XKR5: variants seen among roughly 807,000 people sequenced by gnomAD.
The protein encoded by XKR5 is XK related 5.
XKR5 carries 46 observed loss-of-function variants against 40.8 expected under a neutral mutation model. The ratio of observed to expected loss-of-function variants is 1.13; its 90% CI spans 0.89 to 1.44. The LOEUF (loss-of-function observed/expected upper bound fraction) is 1.44, where lower values mean the gene tolerates loss of function less well. Among genes scored for constraint, XKR5 ranks in the 40% most tolerant of loss-of-function variants. XKR5 has a pLI of 0.00. For missense variants in XKR5, 1,169 were observed against 844.7 expected, an observed-to-expected ratio of 1.38 and a Z score of -4.76; for synonymous variants, 466 against 356.1, an observed-to-expected ratio of 1.31 and a Z score of -3.48.
In XKR5 at chr8:6,832,806, G is replaced by A. The variant is rs1262890528; in HGVS notation, c.153C>T (p.Ala51=). 1.9e-6 allele frequency: 3 copies of A among 1,612,926 alleles called. No homozygotes were observed. Among genetic ancestry groups the A allele is most frequent in the Admixed American group, 3.3e-5 (2 of 59,844 alleles). Residue 51 remains alanine, a synonymous_variant, in exon 2 of 7, where the codon GCC becomes GCT. Coordinates refer to ENST00000618742, the MANE Select transcript of XKR5 (RefSeq NM_207411.5). ...CTGCTCGGAACCACAGGTAGCTCAG[G>A]GCCTGGACCAAGAACCCGGGCAGGA... The part of the protein sequence containing the change: ...AVLLPGFLVQ[A]LSYLWFRADG...
intron 1 of XKR5, among the ~76,000 whole-genome samples, chr8:6,834,896 G>A (rs1804941502): frequency 6.6e-6 from 1 of 152,186 alleles, no homozygotes; most frequent in Non-Finnish European, 1.5e-5. Context: ...CCCCGAAGCG[G>A]AGTCGCCGTC....
chr8:6,812,404 C>A, intron 6 of XKR5, 65 bp from the exon 7 acceptor site: 2 of 1,450,856 alleles, frequency 1.4e-6, no homozygotes, highest in Non-Finnish European at 1.8e-6. Flanking sequence ...CTCTGGTGTG[C>A]AGTTTCAGGT....
In XKR5 at chr8:6,815,831, C is replaced by T. The variant is rs1276657021; in HGVS notation, c.895G>A (p.Gly299Arg). 22 of 1,604,556 alleles carry T rather than the reference C, an allele frequency of 1.4e-5. No individual in the cohort carries two copies. Among genetic ancestry groups the T allele is most frequent in the Non-Finnish European group, 1.9e-5 (22 of 1,175,514 alleles). Residue 299 changes from glycine to arginine, a missense_variant, in exon 6 of 7, where the codon GGG becomes AGG. Gly to Arg is a moderately radical substitution (Grantham distance 125, BLOSUM62 -2). Coordinates refer to ENST00000618742, the MANE Select transcript of XKR5 (RefSeq NM_207411.5). ...CCAATCAGAAATCCAGACAGGACCCCAGCTATGGTCTGCAGGCTGGTCCAC... is the reference window on the plus strand; with the variant it reads ...CCAATCAGAAATCCAGACAGGACCCTAGCTATGGTCTGCAGGCTGGTCCAC... Reference protein sequence around the residue: ...ASWTSLQTIAGVLSGFLIGSV... With the variant: ...ASWTSLQTIARVLSGFLIGSV...
intron 2 of XKR5, among the ~76,000 whole-genome samples, chr8:6,829,945 C>G (rs1587199684): frequency 6.8e-6 from 1 of 147,964 alleles, no homozygotes; most frequent in African/African-American, 2.5e-5. Context: ...TCATGCCATT[C>G]TCCTGCCTCA....
chr8:6,820,298 G>T (rs2117094316), intron 5 of XKR5, among the ~76,000 whole-genome samples: 1 of 152,090 alleles, frequency 6.6e-6, no homozygotes, highest in East Asian at 1.9e-4. Context: ...CAAATGTAAT[G>T]GTGTCTGATT....
chr8:6,832,294 A>G (rs1804805175), intron 2 of XKR5, among the ~76,000 whole-genome samples: 1 of 152,186 alleles, frequency 6.6e-6, no homozygotes, highest in African/African-American at 2.4e-5. Context: ...CGAAGTCTTG[A>G]AGCAAATGTC....
At chr8:6,822,546 C>G (rs1370779934) in intron 4 of XKR5, among the ~76,000 whole-genome samples, 1 of 152,150 alleles carries the variant, frequency 6.6e-6, no homozygotes, top group Non-Finnish European at 1.5e-5. Context: ...TCTTTAGAAG[C>G]ACAGTTCTTT....
chr8:6,815,948 C>G (rs199972135), intron 5 of XKR5, 30 bp from the exon 6 acceptor site: 32 of 1,524,148 alleles, frequency 2.1e-5, no homozygotes, highest in African/African-American at 2.7e-5. Context: ...GGCACCACAC[C>G]TCGTCAGGTG....
At chr8:6,828,858 A>G (rs1804634711) in intron 2 of XKR5, among the ~76,000 whole-genome samples, 1 of 152,190 alleles carries the variant, frequency 6.6e-6, no homozygotes, top group South Asian at 2.1e-4. Flanking sequence ...AAGTTTCTTC[A>G]TGGTCCAGCC....
chr8:6,825,508 A>G (rs1051049646), intron 2 of XKR5, among the ~76,000 whole-genome samples, 159 bp from the exon 3 acceptor site: 1 of 151,366 alleles, frequency 6.6e-6, no homozygotes, highest in African/African-American at 2.4e-5. Flanking sequence ...TCTGACTGCA[A>G]GCAGAAGACG....
In XKR5 at chr8:6,823,157, C is replaced by T. The variant is rs116829788; in HGVS notation, c.637+364G>A. 8.5e-3 allele frequency among the ~76,000 whole-genome samples: 1,294 copies of T among 152,238 alleles called. 19 individuals carry two copies. The highest frequency in any genetic ancestry group is 0.026 in the African/African-American group (1,097 of 41,526). On this transcript the variant is annotated intron_variant, in intron 4 of 6. Coordinates refer to ENST00000618742, the MANE Select transcript of XKR5 (RefSeq NM_207411.5). ...CTTCCTGCCCTGGATGTGTACTCATCGGGAGCTGCAGTCTAGTCCTCCATG... is the reference window on the plus strand; with the variant it reads ...CTTCCTGCCCTGGATGTGTACTCATTGGGAGCTGCAGTCTAGTCCTCCATG...
intron 5 of XKR5, among the ~76,000 whole-genome samples, chr8:6,821,576 C>T (rs556426322): frequency 3.3e-5 from 5 of 152,152 alleles, no homozygotes; most frequent in Non-Finnish European, 1.5e-5. Flanking sequence ...TACAGTTGAA[C>T]TGTAATGATA....
rs539704438 is a variant in XKR5, at chr8:6,825,735, C to T, written c.243-386G>A. The stretch of plus-strand genomic sequence containing the variant: ...TGGGAATTCATTTATCGACAGATGT[C>T]TGTTGCAAGGTACTGTGTGTTATCA... On this transcript the variant is annotated intron_variant, in intron 2 of 6. Coordinates refer to ENST00000618742, the MANE Select transcript of XKR5 (RefSeq NM_207411.5). Among the ~76,000 whole-genome samples, 28 of 152,276 alleles carry T rather than the reference C, an allele frequency of 1.8e-4. 1 individual carries two copies. The highest frequency in any genetic ancestry group is 1.4e-3 in the South Asian group (7 of 4,828).
At position 6,832,855 on chromosome 8, in the gene XKR5, C is replaced by T. The variant is rs781638643; in HGVS notation, c.104G>A (p.Trp35Ter). Reference sequence around the variant, plus strand: ...GAGGACAGCAAGGGCCAGCCACCCCCACAGAAGCCGTCCTGTGGTGAAGTA... The same window carrying T: ...GAGGACAGCAAGGGCCAGCCACCCCTACAGAAGCCGTCCTGTGGTGAAGTA... ...AYYFTTGRLL[W>*]GWLALAVLLP... Residue 35 changes from tryptophan (W) to a stop codon, truncating the protein, a stop_gained, in exon 2 of 7, where the codon TGG becomes TAG. Transcript: ENST00000618742. LOFTEE classifies it high-confidence loss of function. 1.2e-6 allele frequency: 2 copies of T among 1,610,458 alleles called. No individual in the cohort carries two copies. Among genetic ancestry groups the T allele is most frequent in the African/African-American group, 1.3e-5 (1 of 74,860 alleles).
intron 2 of XKR5, among the ~76,000 whole-genome samples, chr8:6,830,951 C>T (rs1016169877): frequency 6.6e-6 from 1 of 152,172 alleles, no homozygotes; most frequent in African/African-American, 2.4e-5. Flanking sequence ...GCAGTGGATT[C>T]CATGAGGCCT....
chr8:6,821,868 C>A lies in XKR5; in HGVS notation c.807+1G>T, dbSNP rs760285387. The A allele has an allele frequency of 6.2e-7, 1 of 1,612,484 alleles. No individual in the cohort carries two copies. The highest frequency in any genetic ancestry group is 8.5e-7 in the Non-Finnish European group (1 of 1,179,178). ...TTAGGATAAAGAAAAGTGCCACTTG[C>A]CATGTAGAACGTGACCATCCTATTT... On this transcript the variant is annotated splice_donor_variant, in intron 5 of 6. Transcript: ENST00000618742. LOFTEE classifies it high-confidence loss of function.
At position 6,811,945 on chromosome 8, in the gene XKR5, C is replaced by G. The variant is rs748934239; in HGVS notation, c.1314G>C (p.Leu438Phe). The G allele has an allele frequency of 1.3e-6, 2 of 1,537,376 alleles. No individual in the cohort carries two copies. The highest frequency in any genetic ancestry group is 2.4e-5 in the South Asian group (2 of 84,066). The change falls in exon 7 of 7, where the codon TTG becomes TTC. Residue 438 changes from leucine (L) to phenylalanine (F), a missense_variant. Physicochemically the swap from Leu to Phe is conservative, Grantham distance 22. Transcript: ENST00000618742. ...TTCTCTGCAGGTAGTCCTGTTGACT[C>G]AACCCCCATGCAGGTGGACAATAGG... is the stretch of plus-strand genomic sequence containing the variant. ...SPAYCPPAWG[L>F]SQQDYLQRKA...
intron 2 of XKR5, among the ~76,000 whole-genome samples, chr8:6,826,093 T>A (rs960607709): frequency 1.3e-5 from 2 of 152,206 alleles, no homozygotes; most frequent in Admixed American, 1.3e-4. Flanking sequence ...TGTATGTGCA[T>A]GTGCGTGTAT....
At position 6,812,209 on chromosome 8, in the gene XKR5, G is replaced by A; in HGVS notation, c.1050C>T (p.Ala350=). 1 of 1,551,872 alleles carries A rather than the reference G, an allele frequency of 6.4e-7. No individual in the cohort carries two copies. The highest frequency in any genetic ancestry group is 8.7e-7 in the Non-Finnish European group (1 of 1,147,030). ...CGGTTCTCTTCCCAGCTAGATCTGTGGCCCGGGGAGAATCTCTTCTCTCTG... is the reference window on the plus strand; with the variant it reads ...CGGTTCTCTTCCCAGCTAGATCTGTAGCCCGGGGAGAATCTCTTCTCTCTG... ...DKTERRDSPR[A]TDLAGKRTES... Residue 350 remains alanine (A), a synonymous_variant, in exon 7 of 7, where the codon GCC becomes GCT. Coordinates refer to ENST00000618742, the MANE Select transcript of XKR5 (RefSeq NM_207411.5).
Sources: gnomAD v4.1 joint callset for allele counts (sites outside exome capture counted in the v4.1 genomes callset) on GRCh38, gnomAD v4.1.1 for gene constraint, MANE v1.5 for transcripts, NCBI Gene and HGNC (gene_info 2026-07-23, HGNC 2026-07-21) for gene names.